SORCS2: variants seen among roughly 807,000 people sequenced by gnomAD.
SORCS2 encodes the protein VPS10 domain-containing receptor SorCS2.
A neutral mutation model predicts 141.6 loss-of-function variants in SORCS2; 100 were observed. That is an observed-to-expected ratio of 0.71 (90% CI 0.60 to 0.83). The LOEUF (loss-of-function observed/expected upper bound fraction) is 0.83. Ranked by LOEUF, SORCS2 falls within the 40% of genes least tolerant of loss-of-function variation. The pLI is 0.00. For synonymous variants in SORCS2, 789 were observed against 676.9 expected, an observed-to-expected ratio of 1.17 and a Z score of -2.57; for missense variants, 1,646 against 1,560.2, an observed-to-expected ratio of 1.05 and a Z score of -0.93.
chr4:7,263,289 G>T (rs553412202), intron 1 of SORCS2, among the ~76,000 whole-genome samples: 1 of 152,330 alleles, frequency 6.6e-6, no homozygotes, highest in Non-Finnish European at 1.5e-5. Context: ...GAAGGAAAAT[G>T]GACTGAGAGT....
Position 7,492,377 on chromosome 4 carries a change from C to G in SORCS2, c.549-39153C>G, listed in dbSNP as rs570226687. Among the ~76,000 whole-genome samples, 8 of 152,310 alleles carry G rather than the reference C, an allele frequency of 5.3e-5. No homozygotes were observed. The South Asian group carries it at 1.7e-3, about 32-fold the overall frequency. The stretch of plus-strand genomic sequence containing the variant: ...TCACTTAGCACCATGTCCACCAGGC[C>G]CATCCATGTTGCTGGGAATGACAGG... On this transcript the variant is annotated intron_variant, in intron 2 of 26. Transcript: ENST00000507866.
chr4:7,415,405 C>T (rs553799272), intron 2 of SORCS2, among the ~76,000 whole-genome samples: 4 of 152,350 alleles, frequency 2.6e-5, no homozygotes, highest in East Asian at 1.9e-4. Context: ...CAGGCCTTCC[C>T]TCCCAAGCCA....
chr4:7,594,387 C>G (rs922256340), intron 3 of SORCS2, among the ~76,000 whole-genome samples: 1 of 152,242 alleles, frequency 6.6e-6, no homozygotes, highest in Admixed American at 6.5e-5. Context: ...GTCTTTCCCT[C>G]TCCCTCAGCA....
intron 2 of SORCS2, among the ~76,000 whole-genome samples, chr4:7,516,025 C>T (rs897780555): frequency 1.3e-5 from 2 of 152,224 alleles, no homozygotes; most frequent in African/African-American, 2.4e-5. Flanking sequence ...CTCAAGTGGG[C>T]GTTAGCAGTA....
intron 2 of SORCS2, among the ~76,000 whole-genome samples, chr4:7,489,159 A>G (rs1448204674): frequency 6.6e-6 from 1 of 152,188 alleles, no homozygotes; most frequent in Non-Finnish European, 1.5e-5. Context: ...TGGAGCCAAA[A>G]GCTGGTTCCC....
chr4:7,411,598 C>T (rs1560262802), intron 2 of SORCS2, among the ~76,000 whole-genome samples: 1 of 152,100 alleles, frequency 6.6e-6, no homozygotes, highest in Non-Finnish European at 1.5e-5. Flanking sequence ...TCATCTTAAC[C>T]ATCCACCCAT....
intron 2 of SORCS2, among the ~76,000 whole-genome samples, chr4:7,409,561 C>T (rs1284936312): frequency 6.6e-6 from 1 of 152,158 alleles, no homozygotes; most frequent in Non-Finnish European, 1.5e-5. Flanking sequence ...TTCTATGGAT[C>T]ATGGCAGGAA....
chr4:7,270,015 G>C (rs555986362), intron 1 of SORCS2, among the ~76,000 whole-genome samples: 1 of 152,338 alleles, frequency 6.6e-6, no homozygotes, highest in African/African-American at 2.4e-5. Flanking sequence ...AAGTAGCTGA[G>C]ACTACAAGTG....
intron 1 of SORCS2, among the ~76,000 whole-genome samples, chr4:7,261,999 G>A (rs941175188): frequency 1.3e-5 from 2 of 152,176 alleles, no homozygotes; most frequent in Admixed American, 6.5e-5. Context: ...CATTTTATGT[G>A]TATACAAAAT....
intron 1 of SORCS2, among the ~76,000 whole-genome samples, chr4:7,388,764 C>T (rs4689722): frequency 0.13 from 19,487 of 152,214 alleles, 1,854 homozygotes; most frequent in East Asian, 0.49. Flanking sequence ...CTCCCTGCAT[C>T]GGCTCCGACA....
intron 3 of SORCS2, among the ~76,000 whole-genome samples, chr4:7,548,781 G>C (rs1246257983): frequency 2.0e-5 from 3 of 152,164 alleles, no homozygotes; most frequent in Non-Finnish European, 4.4e-5. Context: ...GCCATCAGAT[G>C]CCTTTCAGCT....
chr4:7,436,747 G>T (rs956620973), intron 2 of SORCS2, among the ~76,000 whole-genome samples: 5 of 152,214 alleles, frequency 3.3e-5, no homozygotes, highest in African/African-American at 1.2e-4. Flanking sequence ...TGGTGGATTT[G>T]TCTACTCGAC....
chr4:7,486,165 G>A (rs1264776989), intron 2 of SORCS2, among the ~76,000 whole-genome samples: 1 of 130,696 alleles, frequency 7.7e-6, no homozygotes, highest in Non-Finnish European at 1.7e-5. Flanking sequence ...CCTGCCTCCT[G>A]AGGCCTCTCC....
chr4:7,218,628 G>T (rs1023029059), intron 1 of SORCS2, among the ~76,000 whole-genome samples: 1 of 152,194 alleles, frequency 6.6e-6, no homozygotes, highest in African/African-American at 2.4e-5. Flanking sequence ...ATGTGAGCAC[G>T]ATTAGATGCC....
At chr4:7,703,175 ACC>A in intron 12 of SORCS2, 103 bp from the exon 13 acceptor site, 1 of 886,896 alleles carries the variant, frequency 1.1e-6, no homozygotes, top group Non-Finnish European at 1.7e-6. Flanking sequence ...TCTGCCAACA[ACC>A]CCCGGCTGCA....
At chr4:7,433,492 C>A (rs760567963) in intron 2 of SORCS2, 2 of 1,593,762 alleles carry the variant, frequency 1.3e-6, no homozygotes, top group East Asian at 2.2e-5. Flanking sequence ...CACCTTCTTG[C>A]ACACAGCCAC....
chr4:7,204,844 C>G (rs573238620), intron 1 of SORCS2, among the ~76,000 whole-genome samples: 1 of 152,326 alleles, frequency 6.6e-6, no homozygotes, highest in Admixed American at 6.5e-5. Flanking sequence ...TGGTCTGGTG[C>G]TGCGCCAAGG....
intron 1 of SORCS2, among the ~76,000 whole-genome samples, chr4:7,283,655 C>T (rs766974879): frequency 1.3e-5 from 2 of 152,110 alleles, no homozygotes; most frequent in East Asian, 1.9e-4. Context: ...ATTGGGTTGG[C>T]GGCAGTTTCT....
chr4:7,622,555 C>T, intron 3 of SORCS2, among the ~76,000 whole-genome samples: 1 of 152,150 alleles, frequency 6.6e-6, no homozygotes, highest in East Asian at 1.9e-4. Flanking sequence ...GAGTCCCAGG[C>T]AGGGGCTGGA....
Sources: allele counts gnomAD v4.1 joint callset (sites outside exome capture counted in the v4.1 genomes callset), GRCh38; gene constraint gnomAD v4.1.1; transcripts MANE v1.5; gene names NCBI Gene and HGNC (gene_info 2026-07-23, HGNC 2026-07-21).